NTM: variants seen among roughly 807,000 people sequenced by gnomAD.
The protein encoded by NTM is neurotrimin.
In NTM, 13 loss-of-function variants were observed where a neutral mutation model predicts 42.1. That is an observed-to-expected ratio of 0.31 (90% CI 0.20 to 0.49). The LOEUF is 0.49. Among genes scored for constraint, NTM ranks in the 20% least tolerant of loss-of-function variants. The probability of loss-of-function intolerance (pLI) is 0.99; values close to 1 mark genes in which losing one functional copy is unlikely to be tolerated. For synonymous variants in NTM, 187 were observed against 179.2 expected, an observed-to-expected ratio of 1.04 and a Z score of -0.35; for missense variants, 373 against 452.8, an observed-to-expected ratio of 0.82 and a Z score of 1.60.
chr11:131,406,998 G>A (rs1406038178), intron 1 of NTM, among the ~76,000 whole-genome samples: 3 of 152,240 alleles, frequency 2.0e-5, no homozygotes, highest in Admixed American at 2.0e-4. Flanking sequence ...GACTCAGAAA[G>A]TTAAGATGTT....
intron 2 of NTM, among the ~76,000 whole-genome samples, chr11:132,119,361 A>T (rs2064388431): frequency 6.6e-6 from 1 of 152,178 alleles, no homozygotes. Context: ...TGGAATGGGG[A>T]CATGTGCGCT....
intron 2 of NTM, among the ~76,000 whole-genome samples, chr11:131,961,386 A>G (rs767082589): frequency 1.7e-4 from 26 of 152,340 alleles, no homozygotes; most frequent in East Asian, 9.6e-4. Context: ...TTCAGAGGCT[A>G]TTCCAAAGCT....
At chr11:131,502,044 T>A (rs966997743) in intron 1 of NTM, among the ~76,000 whole-genome samples, 5 of 152,096 alleles carry the variant, frequency 3.3e-5, no homozygotes, top group Admixed American at 2.0e-4. Context: ...GCTGGAAACA[T>A]CAGCCTGTAG....
intron 1 of NTM, among the ~76,000 whole-genome samples, chr11:131,837,803 A>C (rs1454690783): frequency 6.6e-6 from 1 of 152,104 alleles, no homozygotes; most frequent in Non-Finnish European, 1.5e-5. Context: ...CCTCACCTGG[A>C]GATGTGGCTC....
intron 2 of NTM, among the ~76,000 whole-genome samples, chr11:132,039,985 C>T (rs973651680): frequency 6.6e-6 from 1 of 151,922 alleles, no homozygotes; most frequent in Non-Finnish European, 1.5e-5. Flanking sequence ...AGTGCAGTGG[C>T]GTGATCTTGG....
At chr11:131,791,856 T>C (rs1591884665) in intron 1 of NTM, among the ~76,000 whole-genome samples, 3 of 152,334 alleles carry the variant, frequency 2.0e-5, no homozygotes, top group Admixed American at 2.0e-4. Flanking sequence ...GGTTGTTTAA[T>C]TTGAGGCAAG....
chr11:131,385,823 A>G (rs983799762), intron 1 of NTM, among the ~76,000 whole-genome samples: 1 of 152,208 alleles, frequency 6.6e-6, no homozygotes, highest in Non-Finnish European at 1.5e-5. Flanking sequence ...GCACCACCGC[A>G]CTCCAGCCTG....
chr11:131,806,238 C>T (rs2092474273), intron 1 of NTM, among the ~76,000 whole-genome samples: 1 of 152,136 alleles, frequency 6.6e-6, no homozygotes, highest in Non-Finnish European at 1.5e-5. Context: ...CACTATGGGG[C>T]AAGTTGTAAA....
chr11:131,988,107 G>A (rs1234065235), intron 2 of NTM, among the ~76,000 whole-genome samples: 1 of 152,192 alleles, frequency 6.6e-6, no homozygotes, highest in Non-Finnish European at 1.5e-5. Context: ...GTGCCTTCTT[G>A]CTGTGTCCTC....
At chr11:131,445,452 G>A (rs961650371) in intron 1 of NTM, among the ~76,000 whole-genome samples, 1 of 152,196 alleles carries the variant, frequency 6.6e-6, no homozygotes, top group Non-Finnish European at 1.5e-5. Context: ...GATAGGCAAA[G>A]AAGACAAGAC....
chr11:131,679,661 C>A (rs182751513), intron 1 of NTM, among the ~76,000 whole-genome samples: 2 of 151,278 alleles, frequency 1.3e-5, no homozygotes, highest in East Asian at 1.9e-4. Context: ...ATAACTAGTG[C>A]CCCCTAGTAA....
chr11:131,839,259 G>T (rs896754520), intron 1 of NTM, among the ~76,000 whole-genome samples: 5 of 152,202 alleles, frequency 3.3e-5, no homozygotes, highest in African/African-American at 1.2e-4. Context: ...ACCATGCCTG[G>T]CCTGTATATT....
intron 1 of NTM, among the ~76,000 whole-genome samples, chr11:131,817,512 A>C (rs900567309): frequency 6.6e-6 from 1 of 152,204 alleles, no homozygotes; most frequent in African/African-American, 2.4e-5. Flanking sequence ...TGGGCACCTC[A>C]GGGGCTCCTC....
At chr11:131,549,513 T>G (rs2054371443) in intron 1 of NTM, among the ~76,000 whole-genome samples, 1 of 152,166 alleles carries the variant, frequency 6.6e-6, no homozygotes, top group African/African-American at 2.4e-5. Flanking sequence ...TCATACATAT[T>G]ATCCCACAAT....
chr11:132,071,804 G>A (rs929150047), intron 2 of NTM, among the ~76,000 whole-genome samples: 2 of 152,048 alleles, frequency 1.3e-5, no homozygotes, highest in South Asian at 4.1e-4. Context: ...ACAAAAAAGT[G>A]CGTTGTATTA....
intron 3 of NTM, among the ~76,000 whole-genome samples, chr11:132,156,207 T>C (rs2073154587): frequency 6.6e-6 from 1 of 152,190 alleles, no homozygotes. Context: ...AAGGAGTTGA[T>C]AGTCCTGGAG....
At position 131,540,703 on chromosome 11, in the gene NTM, C is replaced by T. The variant is rs78965509; in HGVS notation, c.82+169815C>T. ...TTCAAGACTTAAAGGTGTATCACTA[C>T]AGTAAACAGAACTTAAAGGAACAGG... On this transcript the variant is annotated intron_variant, in intron 1 of 8. Transcript: ENST00000683400. 2.6e-5 allele frequency: 4 copies of T among 152,324 alleles called. No homozygotes were observed. The East Asian group carries it at 7.7e-4, about 29-fold the overall frequency. The allele number at this position is 152,324 out of a possible 1,614,324, so 9.4% of individuals were successfully genotyped here.
intron 1 of NTM, among the ~76,000 whole-genome samples, chr11:131,765,358 G>T (rs373991202): frequency 2.0e-5 from 3 of 152,198 alleles, no homozygotes; most frequent in African/African-American, 7.2e-5. Flanking sequence ...CTTCATTACA[G>T]ACCAGGGCGC....
chr11:132,163,304 A>T (rs1001561603), intron 3 of NTM, among the ~76,000 whole-genome samples: 1 of 152,194 alleles, frequency 6.6e-6, no homozygotes, highest in Admixed American at 6.5e-5. Flanking sequence ...GGGTGCCCCT[A>T]GCTAGTCTAG....
Sources: gnomAD v4.1 joint callset for allele counts (sites outside exome capture counted in the v4.1 genomes callset) on GRCh38, gnomAD v4.1.1 for gene constraint, MANE v1.5 for transcripts, NCBI Gene and HGNC (gene_info 2026-07-23, HGNC 2026-07-21) for gene names.